Variants in NUBPL observed in about 807,000 individuals in gnomAD.
The protein encoded by NUBPL is iron-sulfur cluster transfer protein NUBPL.
NUBPL carries 31 observed loss-of-function variants against 45.7 expected under a neutral mutation model. That is an observed-to-expected ratio of 0.68 (90% CI 0.51 to 0.92). The LOEUF is 0.92. Ranked by LOEUF, NUBPL falls within the 40% of genes least tolerant of loss-of-function variation. The probability of loss-of-function intolerance (pLI) is 0.00; values close to 1 mark genes in which losing one functional copy is unlikely to be tolerated. For missense variants in NUBPL, 401 were observed against 398.7 expected (o/e 1.01, Z -0.05); for synonymous variants, 144 against 140.9 (o/e 1.02, Z -0.15).
intron 6 of NUBPL, among the ~76,000 whole-genome samples, chr14:31,683,251 TA>T (rs151316952): frequency 0.083 from 12,664 of 151,888 alleles, 619 homozygotes; most frequent in African/African-American, 0.14. Flanking sequence ...CCATCTCCTA[TA>T]TTTTATTGTG....
At chr14:31,772,057 C>CT (rs1169708090) in intron 6 of NUBPL, 2 of 162,564 alleles carry the variant, frequency 1.2e-5, no homozygotes, top group Non-Finnish European at 2.6e-5. Context: ...ACTCCTGTCC[C>CT]TTTAGGACCT....
chr14:31,738,654 A>C (rs1482474486), intron 6 of NUBPL, among the ~76,000 whole-genome samples: 2 of 152,214 alleles, frequency 1.3e-5, no homozygotes, highest in Non-Finnish European at 2.9e-5. Context: ...AGGTTTTGAC[A>C]TCTCTGGTAG....
chr14:31,839,799 C>A, intron 8 of NUBPL, among the ~76,000 whole-genome samples: 1 of 152,088 alleles, frequency 6.6e-6, no homozygotes, highest in East Asian at 1.9e-4. Context: ...GTAGACATTT[C>A]TCAAGAGAAG....
chr14:31,704,966 G>T (rs1236596250), intron 6 of NUBPL, among the ~76,000 whole-genome samples: 2 of 152,168 alleles, frequency 1.3e-5, no homozygotes, highest in African/African-American at 2.4e-5. Flanking sequence ...CTTCCTTCTG[G>T]TGGGTTTGTG....
chr14:31,819,619 A>G (rs1380249438), intron 7 of NUBPL, among the ~76,000 whole-genome samples: 1 of 152,212 alleles, frequency 6.6e-6, no homozygotes. Flanking sequence ...CCAAATCCAC[A>G]TATGCAGTCA....
intron 7 of NUBPL, among the ~76,000 whole-genome samples, chr14:31,823,205 G>A (rs1458982903): frequency 6.6e-6 from 1 of 151,894 alleles, no homozygotes; most frequent in African/African-American, 2.4e-5. Flanking sequence ...AGTAATCTAG[G>A]GGAGATGATT....
At chr14:31,637,252 T>C (rs2035532070) in intron 4 of NUBPL, among the ~76,000 whole-genome samples, 1 of 152,252 alleles carries the variant, frequency 6.6e-6, no homozygotes, top group Non-Finnish European at 1.5e-5. Context: ...CTCTACATAC[T>C]GCTTTGAATG....
chr14:31,643,646 G>A (rs1262738142), intron 4 of NUBPL, among the ~76,000 whole-genome samples: 2 of 152,004 alleles, frequency 1.3e-5, no homozygotes, highest in African/African-American at 4.8e-5. Flanking sequence ...TTGGTATCAG[G>A]GTAATTCTGG....
chr14:31,766,624 A>T (rs1041713035), intron 6 of NUBPL, among the ~76,000 whole-genome samples: 1 of 152,216 alleles, frequency 6.6e-6, no homozygotes, highest in African/African-American at 2.4e-5. Context: ...AACTGCAGTT[A>T]TCGCCATTGA....
At chr14:31,767,591 T>A (rs2038936976) in intron 6 of NUBPL, among the ~76,000 whole-genome samples, 1 of 152,116 alleles carries the variant, frequency 6.6e-6, no homozygotes, top group South Asian at 2.1e-4. Flanking sequence ...CACACAAATA[T>A]CAAACCAACA....
intron 6 of NUBPL, among the ~76,000 whole-genome samples, chr14:31,714,173 C>A (rs1299822706): frequency 6.6e-6 from 1 of 152,152 alleles, no homozygotes. Context: ...AGATGTTTTG[C>A]TTCCTAATAG....
At chr14:31,650,351 A>G (rs11845914) in intron 4 of NUBPL, among the ~76,000 whole-genome samples, 136,624 of 148,132 alleles carry the variant, frequency 0.92, 62,997 homozygotes, top group East Asian at 1. Flanking sequence ...GTGCAGTGGC[A>G]CAGTCTCAGC....
chr14:31,689,444 T>C (rs1002047051), intron 6 of NUBPL, among the ~76,000 whole-genome samples: 1 of 152,272 alleles, frequency 6.6e-6, no homozygotes, highest in African/African-American at 2.4e-5. Context: ...TTTATTCATA[T>C]GCTTGTTGGC....
At chr14:31,632,414 G>C (rs2035369911) in intron 4 of NUBPL, among the ~76,000 whole-genome samples, 1 of 152,156 alleles carries the variant, frequency 6.6e-6, no homozygotes, top group African/African-American at 2.4e-5. Flanking sequence ...CCTTCTTTCT[G>C]ATCTCCTGCT....
intron 8 of NUBPL, among the ~76,000 whole-genome samples, chr14:31,835,768 T>TTTTTTTTTTTTTTTTTTTTTTTTTGAG: frequency 6.6e-6 from 1 of 152,164 alleles, no homozygotes; most frequent in African/African-American, 2.4e-5. Flanking sequence ...GTCTCATTTT[T>TTTTTTTTTTTTTTTTTTTTTTTTTGAG]AAAACTTATA....
intron 7 of NUBPL, among the ~76,000 whole-genome samples, chr14:31,822,626 G>A (rs2040036350): frequency 6.6e-6 from 1 of 152,020 alleles, no homozygotes; most frequent in Non-Finnish European, 1.5e-5. Flanking sequence ...TGATTGTATT[G>A]TGATTAAGGA....
At chr14:31,748,532 C>T (rs1190911939) in intron 6 of NUBPL, among the ~76,000 whole-genome samples, 1 of 150,458 alleles carries the variant, frequency 6.6e-6, no homozygotes, top group East Asian at 1.9e-4. Context: ...GCATTGATTC[C>T]TTCGTGATTA....
At chr14:31,598,691 C>T (rs913968426) in intron 3 of NUBPL, among the ~76,000 whole-genome samples, 7 of 152,128 alleles carry the variant, frequency 4.6e-5, no homozygotes, top group Non-Finnish European at 5.9e-5. Flanking sequence ...CTCTAGAAGA[C>T]GTTTTGTATT....
chr14:31,572,113 A>G (rs117236844), intron 3 of NUBPL, among the ~76,000 whole-genome samples: 2 of 151,958 alleles, frequency 1.3e-5, no homozygotes, highest in Non-Finnish European at 2.9e-5. Flanking sequence ...TACTTGGTGT[A>G]TTGCTCCTAT....
Sources: gnomAD v4.1 joint callset for allele counts (sites outside exome capture counted in the v4.1 genomes callset) on GRCh38, gnomAD v4.1.1 for gene constraint, MANE v1.5 for transcripts, NCBI Gene and HGNC (gene_info 2026-07-23, HGNC 2026-07-21) for gene names.